Variants in FRY observed in about 807,000 individuals in gnomAD.
FRY encodes protein furry homolog.
A neutral mutation model predicts 348.4 loss-of-function variants in FRY; 128 were observed. The ratio of observed to expected loss-of-function variants is 0.37; its 90% CI spans 0.32 to 0.43. FRY has a LOEUF of 0.43. Ranked by LOEUF, FRY falls within the 20% of genes least tolerant of loss-of-function variation. The pLI, the probability that FRY is intolerant of heterozygous loss-of-function variation, is 1.00. For missense variants in FRY, 2,736 were observed against 3,695.2 expected (o/e 0.74, Z 6.73); for synonymous variants, 1,370 against 1,374.7 (o/e 1.00, Z 0.08).
At chr13:32,085,436 G>A (rs1217668893) in intron 2 of FRY, among the ~76,000 whole-genome samples, 1 of 152,180 alleles carries the variant, frequency 6.6e-6, no homozygotes, top group African/African-American at 2.4e-5. Flanking sequence ...AAGAGATAAA[G>A]TTAAAGACAA....
intron 59 of FRY, among the ~76,000 whole-genome samples, chr13:32,290,165 C>G (rs1889264784): frequency 6.6e-6 from 1 of 152,130 alleles, no homozygotes. Flanking sequence ...TGGTTCTCTT[C>G]AGTTTCCCTG....
chr13:32,237,421 A>G lies in FRY; in HGVS notation c.5853A>G (p.Ala1951=). The G allele has an allele frequency of 3.7e-6, 6 of 1,614,060 alleles. No homozygotes were observed. The highest frequency in any genetic ancestry group is 5.1e-6 in the Non-Finnish European group (6 of 1,179,994). The change falls in exon 44 of 61, where the codon GCA becomes GCG. Residue 1951 remains alanine, a synonymous_variant. Transcript: ENST00000542859. This position sits in a 1 kb window ranked among gnomAD's most constrained non-coding sequence, Gnocchi z 6.3. ...PDLSSSSKLT[A]SRKSTGQLNM... is the part of the protein sequence containing the mutation. ...TAAGCTCCAGCAGTAAACTAACAGCAAGCAGAAAGAGCACAGGACAACTAA... is the reference window on the plus strand; with the variant it reads ...TAAGCTCCAGCAGTAAACTAACAGCGAGCAGAAAGAGCACAGGACAACTAA...
intron 16 of FRY, among the ~76,000 whole-genome samples, chr13:32,159,239 A>T (rs1441524839): frequency 1.4e-5 from 2 of 143,226 alleles, no homozygotes; most frequent in Non-Finnish European, 3.1e-5. Flanking sequence ...ATCATTTCTT[A>T]AAAAAAAAAA....
At chr13:32,041,683 C>T (rs1213498438) in intron 1 of FRY, among the ~76,000 whole-genome samples, 2 of 152,230 alleles carry the variant, frequency 1.3e-5, no homozygotes, top group African/African-American at 2.4e-5. Flanking sequence ...TTGTCAGCTT[C>T]TCTTCCAGGT....
At chr13:32,194,333 A>G (rs1883546436) in intron 29 of FRY, 36 bp downstream of exon 29, 1 of 1,589,118 alleles carries the variant, frequency 6.3e-7, no homozygotes, top group African/African-American at 1.3e-5. Context: ...AGTGGCAAGT[A>G]TGTTTAGGGT....
chr13:32,063,821 G>C (rs553447615), intron 1 of FRY, among the ~76,000 whole-genome samples: 9 of 152,152 alleles, frequency 5.9e-5, no homozygotes, highest in African/African-American at 2.2e-4. Flanking sequence ...CATAATTGGC[G>C]CTTTATTTGT....
chr13:32,254,177 C>A, intron 50 of FRY, 47 bp from the exon 51 acceptor site: 1 of 1,600,830 alleles, frequency 6.2e-7, no homozygotes, highest in Non-Finnish European at 8.6e-7. Context: ...GTAGCACAAA[C>A]AACCAAAGGG....
At chr13:32,071,732 G>A (rs1054160321) in intron 1 of FRY, among the ~76,000 whole-genome samples, 3 of 152,038 alleles carry the variant, frequency 2.0e-5, no homozygotes, top group Admixed American at 6.6e-5. Flanking sequence ...AGGGGGACAG[G>A]GAAATTGGGA....
chr13:32,278,408 A>G (rs937492718), intron 57 of FRY, 57 bp from the exon 58 acceptor site: 14 of 918,738 alleles, frequency 1.5e-5, no homozygotes, highest in Middle Eastern at 2.1e-4. Flanking sequence ...AATTATACCA[A>G]AAATGTTCTC....
At chr13:32,129,710 T>G (rs1879230884) in intron 7 of FRY, among the ~76,000 whole-genome samples, 1 of 152,222 alleles carries the variant, frequency 6.6e-6, no homozygotes, top group African/African-American at 2.4e-5. Flanking sequence ...CTATTTATAT[T>G]TTCTGCTCTA....
intron 36 of FRY, among the ~76,000 whole-genome samples, chr13:32,219,536 A>C (rs974674919): frequency 4.6e-5 from 7 of 150,602 alleles, no homozygotes; most frequent in African/African-American, 1.7e-4. Flanking sequence ...AGGCGGGTGG[A>C]TCACGAGGTC....
chr13:32,231,269 C>T lies in FRY; in HGVS notation c.5496C>T (p.His1832=), dbSNP rs777629791. ...AACAGCTCACTAATTTTCTACGTCACGTTGTATCTGTATTTAAAGATTCCA... is the reference window on the plus strand; with the variant it reads ...AACAGCTCACTAATTTTCTACGTCATGTTGTATCTGTATTTAAAGATTCCA... ...SAEQLTNFLR[H]VVSVFKDSKS... Residue 1832 remains histidine (H), a synonymous_variant, in exon 41 of 61, where the codon CAC becomes CAT. Transcript: ENST00000542859. 43 of 1,613,116 alleles carry T rather than the reference C, an allele frequency of 2.7e-5. No individual in the cohort carries two copies. The highest frequency in any genetic ancestry group is 3.3e-5 in the South Asian group (3 of 91,052).
At chr13:32,283,473 C>CA (rs1340797621) in intron 58 of FRY, among the ~76,000 whole-genome samples, 1 of 152,082 alleles carries the variant, frequency 6.6e-6, no homozygotes, top group African/African-American at 2.4e-5. Flanking sequence ...CTTGAGTTTC[C>CA]AAAAAGAAAA....
intron 1 of FRY, among the ~76,000 whole-genome samples, chr13:32,044,207 A>G (rs1405128939): frequency 2.0e-5 from 3 of 152,160 alleles, no homozygotes; most frequent in Non-Finnish European, 2.9e-5. Context: ...ATACCAAAAG[A>G]AAAAAATGTT....
intron 23 of FRY, among the ~76,000 whole-genome samples, chr13:32,180,334 A>G (rs776854250): frequency 4.0e-5 from 6 of 151,872 alleles, no homozygotes; most frequent in African/African-American, 1.5e-4. Context: ...TCCTGGATTC[A>G]AGCGATTCTC....
At chr13:32,290,600 T>G (rs1889290471) in intron 59 of FRY, among the ~76,000 whole-genome samples, 1 of 152,112 alleles carries the variant, frequency 6.6e-6, no homozygotes, top group South Asian at 2.1e-4. Context: ...GGCGAGATCA[T>G]AAGACATGCC....
intron 50 of FRY, among the ~76,000 whole-genome samples, chr13:32,252,481 G>A (rs1473528737): frequency 6.6e-6 from 1 of 152,146 alleles, no homozygotes; most frequent in Non-Finnish European, 1.5e-5. Flanking sequence ...ATGGACGATT[G>A]AATAATTATA....
In FRY at chr13:32,214,019, G is replaced by A. The variant is rs183584677; in HGVS notation, c.4682+1637G>A. ...CATACATGTCAGATTCTTTTATACT[G>A]ATATTTATCTACCTATAACATTGAT... On this transcript the variant is annotated intron_variant, in intron 35 of 60. Transcript: ENST00000542859. Among the ~76,000 whole-genome samples the A allele has an allele frequency of 2.6e-5, 4 of 152,242 alleles. No homozygotes were observed. The East Asian group carries it at 7.7e-4, about 29-fold the overall frequency.
chr13:32,047,243 G>T (rs1873071127), intron 1 of FRY, among the ~76,000 whole-genome samples: 1 of 152,198 alleles, frequency 6.6e-6, no homozygotes, highest in Non-Finnish European at 1.5e-5. Flanking sequence ...ATTAATGCTT[G>T]TCTAAATCCC....
Sources: allele counts gnomAD v4.1 joint callset (sites outside exome capture counted in the v4.1 genomes callset), GRCh38; gene constraint gnomAD v4.1.1; non-coding constraint Gnocchi (gnomAD v3.1); transcripts MANE v1.5; gene names NCBI Gene and HGNC (gene_info 2026-07-23, HGNC 2026-07-21).